ABCA6: variants seen among roughly 807,000 people sequenced by gnomAD.
ABCA6 encodes ATP-binding cassette sub-family A member 6.
Under a neutral mutation model 191.2 loss-of-function variants are expected in ABCA6, and 164 were observed. The observed-to-expected ratio is 0.86, with a 90% CI of 0.76 to 0.98. The LOEUF (loss-of-function observed/expected upper bound fraction) is 0.98. Ranked by LOEUF, ABCA6 falls within the 50% of genes least tolerant of loss-of-function variation. ABCA6 has a pLI of 0.00. For synonymous variants in ABCA6, 636 were observed against 647.7 expected, an observed-to-expected ratio of 0.98 and a Z score of 0.27; for missense variants, 1,958 against 1,894.1, an observed-to-expected ratio of 1.03 and a Z score of -0.63.
At chr17:69,127,419 A>C (rs1039383786) in intron 8 of ABCA6, among the ~76,000 whole-genome samples, 37 of 152,130 alleles carry the variant, frequency 2.4e-4, no homozygotes, top group African/African-American at 8.2e-4. Context: ...ATCATAAAGC[A>C]ATTGGGAGAA....
At chr17:69,120,950 C>G (rs527865278) in intron 10 of ABCA6, among the ~76,000 whole-genome samples, 1 of 152,118 alleles carries the variant, frequency 6.6e-6, no homozygotes, top group South Asian at 2.1e-4. Flanking sequence ...ATTCTACAAA[C>G]TTTCATCCAT....
At chr17:69,099,050 T>C (rs1388764948) in intron 22 of ABCA6, among the ~76,000 whole-genome samples, 1 of 151,858 alleles carries the variant, frequency 6.6e-6, no homozygotes, top group Non-Finnish European at 1.5e-5. Context: ...AACCCAGAGA[T>C]GGAAACCTCA....
In ABCA6 at chr17:69,117,986, C is replaced by T. The variant is rs764371534; in HGVS notation, c.1437-30G>A. 17 of 1,519,974 alleles carry T rather than the reference C, an allele frequency of 1.1e-5. No individual in the cohort carries two copies. In the South Asian group the frequency reaches 1.4e-4, roughly 13 times the overall value. 94.2% of individuals were successfully genotyped at this position (1,519,974 alleles called of 1,614,324 possible). ...AATAACAAAAAGGGTGCTTACTTAG[C>T]CAACACAGAAGTGAAAATAGCACGG... On this transcript the variant is annotated intron_variant, in intron 10 of 38. Coordinates refer to ENST00000284425, the MANE Select transcript of ABCA6 (RefSeq NM_080284.3).
chr17:69,094,619 C>CT (rs1361051549), intron 25 of ABCA6: 2 of 167,404 alleles, frequency 1.2e-5, no homozygotes, highest in East Asian at 2.9e-4. Flanking sequence ...AAGGCAAGGG[C>CT]TGAGGTATGT....
At chr17:69,134,032 G>A (rs1040627024) in intron 5 of ABCA6, among the ~76,000 whole-genome samples, 165 bp from the exon 6 acceptor site, 1 of 152,130 alleles carries the variant, frequency 6.6e-6, no homozygotes, top group African/African-American at 2.4e-5. Context: ...AGGGTACATG[G>A]ACTTCTCTGT....
chr17:69,081,208 T>A, intron 36 of ABCA6, 63 bp from the exon 37 acceptor site: 1 of 776,246 alleles, frequency 1.3e-6, no homozygotes, highest in Non-Finnish European at 2.2e-6. Flanking sequence ...AGCATCAGAA[T>A]AAATATTGAT....
intron 25 of ABCA6, chr17:69,094,914 A>C (rs537021958): frequency 6.6e-6 from 1 of 152,638 alleles, no homozygotes; most frequent in East Asian, 1.9e-4. Context: ...AGGGGCACTC[A>C]CTAGGGCATC....
At chr17:69,129,846 C>G (rs1447032111) in intron 6 of ABCA6, 95 bp from the exon 7 acceptor site, 7 of 889,100 alleles carry the variant, frequency 7.9e-6, no homozygotes, top group Non-Finnish European at 1.2e-5. Context: ...TAATGACTAC[C>G]CTTGTACCTT....
chr17:69,106,304 A>G (rs2073303299), intron 18 of ABCA6, 93 bp from the exon 19 acceptor site: 1 of 1,252,092 alleles, frequency 8.0e-7, no homozygotes, highest in Non-Finnish European at 1.1e-6. Flanking sequence ...TAAAAATAGT[A>G]TTACATGGCC....
intron 20 of ABCA6, among the ~76,000 whole-genome samples, chr17:69,103,708 G>A (rs1237493339): frequency 6.6e-6 from 1 of 151,962 alleles, no homozygotes; most frequent in Admixed American, 6.6e-5. Flanking sequence ...AGTCAGGGTC[G>A]TGACGTATAC....
intron 11 of ABCA6, among the ~76,000 whole-genome samples, chr17:69,117,231 A>C (rs779918476): frequency 4.6e-5 from 7 of 152,076 alleles, no homozygotes; most frequent in African/African-American, 1.7e-4. Context: ...GGAGAACTCT[A>C]CACTTCTGGA....
chr17:69,083,080 T>C, intron 35 of ABCA6, 67 bp from the exon 36 acceptor site: 2 of 1,593,348 alleles, frequency 1.3e-6, no homozygotes, highest in South Asian at 1.1e-5. Context: ...TATTCTTAAA[T>C]TTCAAATGTA....
Position 69,110,817 on chromosome 17 carries a change from C to T in ABCA6, c.2256G>A (p.Arg752=). 1 of 1,607,904 alleles carries T rather than the reference C, an allele frequency of 6.2e-7. No homozygotes were observed. ...EKLVYTLPLE[R]TNTFPDLFSD... ...TTGAGTTACCTGGAAATGTATTTGT[C>T]CTTTCCAGTGGCAAAGTATATACAA... The change falls in exon 17 of 39, where the codon AGG becomes AGA. Residue 752 remains arginine, a synonymous_variant. Coordinates refer to ENST00000284425, the MANE Select transcript of ABCA6 (RefSeq NM_080284.3).
At chr17:69,113,391 C>G in intron 14 of ABCA6, 31 bp from the exon 15 acceptor site, 2 of 1,574,000 alleles carry the variant, frequency 1.3e-6, no homozygotes, top group Non-Finnish European at 1.7e-6. Context: ...TAAAATATGT[C>G]TCTCTTTCAC....
intron 21 of ABCA6, among the ~76,000 whole-genome samples, chr17:69,101,479 C>A (rs1169268086): frequency 6.6e-6 from 1 of 151,826 alleles, no homozygotes; most frequent in Non-Finnish European, 1.5e-5. Flanking sequence ...ATCTGTAATC[C>A]CAGCTACTTG....
At chr17:69,090,466 G>T (rs2072899586) in intron 26 of ABCA6, among the ~76,000 whole-genome samples, 1 of 152,098 alleles carries the variant, frequency 6.6e-6, no homozygotes, top group African/African-American at 2.4e-5. Flanking sequence ...TCATCCTTTA[G>T]CCATGTATTT....
chr17:69,106,097 A>T lies in ABCA6; in HGVS notation c.2504T>A (p.Met835Lys), dbSNP rs775864821. 1 of 1,613,878 alleles carries T rather than the reference A, an allele frequency of 6.2e-7. No homozygotes were observed. Among genetic ancestry groups the T allele is most frequent in the Non-Finnish European group, 8.5e-7 (1 of 1,179,870 alleles). ...GAGCCGTGCCATGGCAAAGACTTGC[A>T]TTCTCCAGAGGCCCATGTCACTCAC... ...TAVSDMGLWR[M>K]QVFAMARLRF... Residue 835 changes from methionine (M) to lysine (K), a missense_variant, in exon 19 of 39, where the codon ATG becomes AAG. Coordinates refer to ENST00000284425, the MANE Select transcript of ABCA6 (RefSeq NM_080284.3).
intron 8 of ABCA6, among the ~76,000 whole-genome samples, chr17:69,127,357 G>T (rs2073773145): frequency 1.3e-5 from 2 of 152,086 alleles, no homozygotes; most frequent in East Asian, 3.9e-4. Context: ...GAGGAAAAAA[G>T]CCAGCAACAA....
At chr17:69,089,357 A>G in intron 27 of ABCA6, 108 bp downstream of exon 27, 2 of 1,021,838 alleles carry the variant, frequency 2.0e-6, no homozygotes, top group Non-Finnish European at 2.9e-6. Flanking sequence ...TTTATCTAAG[A>G]TCATATAAAA....
Sources: gnomAD v4.1 joint callset for allele counts (sites outside exome capture counted in the v4.1 genomes callset) on GRCh38, gnomAD v4.1.1 for gene constraint, MANE v1.5 for transcripts, NCBI Gene and HGNC (gene_info 2026-07-23, HGNC 2026-07-21) for gene names.